The following RRM2 variants were observed in gnomAD, a reference collection of about 807,000 sequenced individuals.
The protein encoded by RRM2 is ribonucleoside-diphosphate reductase subunit M2.
A neutral mutation model predicts 45.9 loss-of-function variants in RRM2; 6 were observed. The observed-to-expected ratio is 0.13, with a 90% CI of 0.07 to 0.26. The LOEUF (loss-of-function observed/expected upper bound fraction) is 0.26. Ranked by LOEUF, RRM2 falls within the 10% of genes least tolerant of loss-of-function variation. The probability of loss-of-function intolerance (pLI) is 1.00; values close to 1 mark genes in which losing one functional copy is unlikely to be tolerated. For missense variants in RRM2, 343 were observed against 489.5 expected, an observed-to-expected ratio of 0.70 and a Z score of 2.82; for synonymous variants, 177 against 173.0, an observed-to-expected ratio of 1.02 and a Z score of -0.18.
chr2:10,174,934 A>G (rs1386436428), intron 3 of RRM2, among the ~76,000 whole-genome samples: 2 of 152,094 alleles, frequency 1.3e-5, no homozygotes, highest in Non-Finnish European at 2.9e-5. Context: ...GTACCTCCTC[A>G]TTTTACAGGA....
At chr2:10,165,401 A>G (rs1165897585) in intron 3 of RRM2, among the ~76,000 whole-genome samples, 1 of 152,182 alleles carries the variant, frequency 6.6e-6, no homozygotes, top group Non-Finnish European at 1.5e-5. Context: ...ACCTCCCATT[A>G]GTGGGCTCCG....
In RRM2 at chr2:10,175,416, A is replaced by G. The variant is rs1270092856; in HGVS notation, n.482+33041A>G. 2.0e-5 allele frequency among the ~76,000 whole-genome samples: 3 copies of G among 152,220 alleles called. No individual in the cohort carries two copies. The East Asian group carries it at 5.8e-4, about 29-fold the overall frequency. ...TATCATCTTGACCATTTTTAAGTGTACAGTTCAACGTTATTAAATACATTC... is the reference window on the plus strand; with the variant it reads ...TATCATCTTGACCATTTTTAAGTGTGCAGTTCAACGTTATTAAATACATTC... On this transcript the variant is annotated intron_variant and non_coding_transcript_variant, in intron 3 of 3. Transcript: ENST00000381786.
At chr2:10,123,934 T>C (rs1558379327) in intron 4 of RRM2, 82 bp downstream of exon 4, 1 of 799,192 alleles carries the variant, frequency 1.3e-6, no homozygotes, top group Admixed American at 1.8e-5. Context: ...CTTGTATGTT[T>C]TTCCATGCTG....
Position 10,150,085 on chromosome 2 carries a change from G to T in RRM2, n.482+7710G>T, listed in dbSNP as rs187837638. On this transcript the variant is annotated intron_variant and non_coding_transcript_variant, in intron 3 of 3. Coordinates refer to the RRM2 transcript ENST00000381786. ...TCCCAGCACTTTTGGAGGACGAGGC[G>T]GGTGGATTGCTTGAGCCCAGGAGTT... is the stretch of plus-strand genomic sequence containing the variant. 3.0e-3 allele frequency among the ~76,000 whole-genome samples: 464 copies of T among 152,244 alleles called. 4 individuals are homozygous for T. The highest frequency in any genetic ancestry group is 0.011 in the African/African-American group (441 of 41,540).
At chr2:10,150,859 G>A (rs975050430) in intron 3 of RRM2, among the ~76,000 whole-genome samples, 2 of 145,736 alleles carry the variant, frequency 1.4e-5, no homozygotes, top group African/African-American at 5.1e-5. Context: ...TGTTGCCTAG[G>A]CTAGAGTGCA....
chr2:10,134,072 G>A (rs923203388), downstream of RRM2, among the ~76,000 whole-genome samples: 5 of 151,066 alleles, frequency 3.3e-5, no homozygotes, highest in Admixed American at 1.3e-4. Context: ...CCATTACTCC[G>A]GAGGCTGAGG....
Position 10,204,425 on chromosome 2 carries a change from G to GT in RRM2, n.483-5884dup. On this transcript the variant is annotated intron_variant and non_coding_transcript_variant, in intron 3 of 3. Coordinates refer to the RRM2 transcript ENST00000381786. This position sits in a 1 kb window ranked among gnomAD's most constrained non-coding sequence, Gnocchi z 4.0. ...AAAATGGGGAGGAGAGGGAGGAACG[G>GT]TTGGTGGGCAGCTGCCACTCTGTCC... 6.6e-6 allele frequency among the ~76,000 whole-genome samples: 1 copy of GT among 152,300 alleles called. No homozygotes were observed. Among genetic ancestry groups the GT allele is most frequent in the Middle Eastern group, 3.4e-3 (1 of 294 alleles).
chr2:10,206,878 G>A (rs1664674671), intron 3 of RRM2, among the ~76,000 whole-genome samples: 2 of 152,186 alleles, frequency 1.3e-5, no homozygotes, highest in African/African-American at 4.8e-5. Flanking sequence ...CTACAATCTA[G>A]AATCCAAAAG....
At chr2:10,126,655 A>G in intron 5 of RRM2, 1 of 561,136 alleles carries the variant, frequency 1.8e-6, no homozygotes, top group Non-Finnish European at 3.1e-6. Flanking sequence ...GAATACCCAA[A>G]CTTGTATTAA....
Position 10,122,764 on chromosome 2 carries a change from C to G in RRM2, c.-35C>G. Reference sequence around the variant, plus strand: ...GTGCACCCTGTCCCAGCCGTCCTGTCCTGGCTGCTCGCTCTGCTTCGCTGC... The same window carrying G: ...GTGCACCCTGTCCCAGCCGTCCTGTGCTGGCTGCTCGCTCTGCTTCGCTGC... On this transcript the variant is annotated 5_prime_UTR_variant, in exon 1 of 10. Transcript: ENST00000304567. The G allele has an allele frequency of 1.3e-6, 2 of 1,562,870 alleles. No homozygotes were observed. Among genetic ancestry groups the G allele is most frequent in the Non-Finnish European group, 1.7e-6 (2 of 1,153,992 alleles).
rs1319860049 is a variant in RRM2 at position 10,205,832 on chromosome 2, C to G, written n.483-4479C>G. 1.3e-5 allele frequency among the ~76,000 whole-genome samples: 2 copies of G among 152,172 alleles called. No individual in the cohort carries two copies. Among genetic ancestry groups the G allele is most frequent in the East Asian group, 3.9e-4 (2 of 5,112 alleles). ...TCAGCCTCTGGAGTAGCTGGGACTA[C>G]AGGCACCTGCCACCACCCCTGGATA... On this transcript the variant is annotated intron_variant and non_coding_transcript_variant, in intron 3 of 3. Coordinates refer to the RRM2 transcript ENST00000381786. This position sits in a 1 kb window ranked among gnomAD's most constrained non-coding sequence, Gnocchi z 4.8.
rs1283937951 is a variant in RRM2 at position 10,123,440 on chromosome 2, C to T, written c.228C>T (p.Asn76=). Residue 76 remains asparagine, a synonymous_variant, in exon 3 of 10, where the codon AAC becomes AAT. Transcript: ENST00000304567. ...AGGATGAGCCGCTGCTGAGAGAAAA[C>T]CCCCGCCGCTTTGTCATCTTCCCCA... ...GVEDEPLLRE[N]PRRFVIFPIE... is the part of the protein sequence containing the mutation. 2 of 1,614,162 alleles carry T rather than the reference C, an allele frequency of 1.2e-6. No homozygotes were observed. The highest frequency in any genetic ancestry group is 1.7e-6 in the Non-Finnish European group (2 of 1,180,014).
intron 3 of RRM2, among the ~76,000 whole-genome samples, chr2:10,177,680 T>TTCCC (rs1230896719): frequency 1.4e-5 from 2 of 142,312 alleles, no homozygotes; most frequent in African/African-American, 5.4e-5. Context: ...CCTTCCTTCC[T>TTCCC]TCCTTCCTTC....
intron 3 of RRM2, among the ~76,000 whole-genome samples, chr2:10,144,460 C>T (rs13028656): frequency 0.31 from 47,643 of 152,100 alleles, 8,128 homozygotes; most frequent in Non-Finnish European, 0.39. Context: ...TCTGGGGCCT[C>T]GGGGCTGTAG....
chr2:10,179,261 C>T (rs1262363371), intron 3 of RRM2, among the ~76,000 whole-genome samples: 1 of 152,158 alleles, frequency 6.6e-6, no homozygotes, highest in Non-Finnish European at 1.5e-5. Context: ...CAGCTATTCT[C>T]ATGCCTCAGC....
At chr2:10,132,117 C>T (rs189963530), downstream of RRM2, among the ~76,000 whole-genome samples, 338 of 152,300 alleles carry the variant, frequency 2.2e-3, 2 homozygotes, top group African/African-American at 7.8e-3. Flanking sequence ...TTGATAAAGC[C>T]TTTTAGAATT....
intron 3 of RRM2, among the ~76,000 whole-genome samples, chr2:10,173,189 T>G (rs751298170): frequency 6.6e-6 from 1 of 152,108 alleles, no homozygotes; most frequent in Non-Finnish European, 1.5e-5. Flanking sequence ...ATCATGAGAA[T>G]GAGGTGTGCG....
intron 3 of RRM2, among the ~76,000 whole-genome samples, chr2:10,183,752 G>A (rs13393693): frequency 0.21 from 31,222 of 149,582 alleles, 3,582 homozygotes; most frequent in East Asian, 0.51. Context: ...CTGAGATTGC[G>A]CCACCGCACT....
At position 10,128,889 on chromosome 2, in the gene RRM2, G is replaced by A; in HGVS notation, c.840G>A (p.Leu280=). 1 of 1,614,112 alleles carries A rather than the reference G, an allele frequency of 6.2e-7. No homozygotes were observed. The highest frequency in any genetic ancestry group is 8.5e-7 in the Non-Finnish European group (1 of 1,180,006). ...TTGCTTGCCTGATGTTCAAACACCT[G>A]GTACACAAACCATCGGAGGAGAGAG... ...CDFACLMFKH[L]VHKPSEERVR... Residue 280 remains leucine (L), a synonymous_variant, in exon 8 of 10, where the codon CTG becomes CTA. Transcript: ENST00000304567.
Sources: gnomAD v4.1 joint callset for allele counts (sites outside exome capture counted in the v4.1 genomes callset) on GRCh38, gnomAD v4.1.1 for gene constraint, Gnocchi (gnomAD v3.1) non-coding constraint, MANE v1.5 for transcripts, NCBI Gene and HGNC (gene_info 2026-07-23, HGNC 2026-07-21) for gene names.